The following ZMYM2 variants were observed in gnomAD, a reference collection of about 807,000 sequenced individuals.
The protein encoded by ZMYM2 is zinc finger MYM-type containing 2.
In ZMYM2, 56 loss-of-function variants were observed where a neutral mutation model predicts 162.8. The ratio of observed to expected loss-of-function variants is 0.34; its 90% confidence interval spans 0.28 to 0.43. The LOEUF (loss-of-function observed/expected upper bound fraction) is 0.43. Ranked by LOEUF, ZMYM2 falls within the 20% of genes least tolerant of loss-of-function variation. The pLI is 1.00. For missense variants in ZMYM2, 1,275 were observed against 1,621.8 expected (o/e 0.79, Z 3.67); for synonymous variants, 510 against 541.6 (o/e 0.94, Z 0.81).
At chr13:20,042,397 A>G (rs1267082627) in intron 12 of ZMYM2, among the ~76,000 whole-genome samples, 5 of 152,076 alleles carry the variant, frequency 3.3e-5, no homozygotes, top group East Asian at 1.9e-4. Context: ...TGTGTTTTTC[A>G]GCTCTATCAG....
the ZMYM2 span, among the ~76,000 whole-genome samples, chr13:19,918,630 C>T: frequency 6.7e-6 from 1 of 150,208 alleles, no homozygotes; most frequent in Non-Finnish European, 1.5e-5. Context: ...TCCTGAGTAG[C>T]TGGGATTACA....
chr13:19,954,714 T>G (rs1307730120), upstream of ZMYM2, among the ~76,000 whole-genome samples: 1 of 152,246 alleles, frequency 6.6e-6, no homozygotes, highest in Non-Finnish European at 1.5e-5. Context: ...CCAGGAGTAC[T>G]ATGTTTATAT....
the ZMYM2 span, among the ~76,000 whole-genome samples, chr13:19,926,429 T>C: frequency 6.8e-6 from 1 of 147,230 alleles, no homozygotes; most frequent in Non-Finnish European, 1.5e-5. Context: ...AGTGGTGCCA[T>C]CTCGGCTCAC....
chr13:19,992,778 G>A (rs540256875), intron 2 of ZMYM2, among the ~76,000 whole-genome samples: 18 of 151,788 alleles, frequency 1.2e-4, no homozygotes, highest in African/African-American at 4.1e-4. Context: ...AGGTGGTGGT[G>A]GTGGTAGGAA....
chr13:19,938,462 C>T, the ZMYM2 span, among the ~76,000 whole-genome samples: 22 of 152,330 alleles, frequency 1.4e-4, no homozygotes, highest in African/African-American at 5.1e-4. Context: ...TGCACCACTG[C>T]ACTCCAGCCT....
intron 2 of ZMYM2, among the ~76,000 whole-genome samples, chr13:19,982,095 T>A (rs544800399): frequency 2.0e-4 from 31 of 152,256 alleles, no homozygotes; most frequent in African/African-American, 7.0e-4. Flanking sequence ...ATGTATCAGT[T>A]TATTTTATAC....
At chr13:19,948,744 G>A in the ZMYM2 span, among the ~76,000 whole-genome samples, 1 of 152,214 alleles carries the variant, frequency 6.6e-6, no homozygotes, top group Non-Finnish European at 1.5e-5. Flanking sequence ...CCACTCTGGT[G>A]GGGGAGTTGC....
the ZMYM2 span, among the ~76,000 whole-genome samples, chr13:19,937,285 C>T: frequency 3.3e-5 from 5 of 152,004 alleles, no homozygotes; most frequent in South Asian, 8.3e-4. Flanking sequence ...AGCACGCCAG[C>T]GCCACCATGC....
At chr13:19,904,098 C>G in the ZMYM2 span, among the ~76,000 whole-genome samples, 1 of 152,044 alleles carries the variant, frequency 6.6e-6, no homozygotes, top group Admixed American at 6.6e-5. Flanking sequence ...CTGATCCATA[C>G]ATTGAGGCCT....
At chr13:19,869,613 T>C in the ZMYM2 span, among the ~76,000 whole-genome samples, 2 of 151,758 alleles carry the variant, frequency 1.3e-5, no homozygotes, top group African/African-American at 4.8e-5. Context: ...CATGGCAAAA[T>C]CCTGTCTCTA....
At chr13:19,878,197 C>T in the ZMYM2 span, among the ~76,000 whole-genome samples, 1 of 151,980 alleles carries the variant, frequency 6.6e-6, no homozygotes, top group East Asian at 1.9e-4. Flanking sequence ...GGACTACAGG[C>T]GTGCACCACC....
intron 2 of ZMYM2, among the ~76,000 whole-genome samples, chr13:19,988,137 T>C (rs1949325647): frequency 6.6e-6 from 1 of 152,312 alleles, no homozygotes; most frequent in East Asian, 1.9e-4. Context: ...AATTCTGTTT[T>C]CTTTTAACTC....
chr13:20,082,776 T>C lies in ZMYM2; in HGVS notation c.3569-5T>C. 3.8e-6 allele frequency: 6 copies of C among 1,580,572 alleles called. No individual in the cohort carries two copies. Among genetic ancestry groups the C allele is most frequent in the Non-Finnish European group, 5.2e-6 (6 of 1,162,056 alleles). The stretch of plus-strand genomic sequence containing the variant: ...ATTCTTTTAAAATAGTTCTCTCTAT[T>C]TAAGGGTCAATATTCTCTCGAGTTG... On this transcript the variant is annotated splice_polypyrimidine_tract_variant and splice_region_variant and intron_variant, in intron 22 of 24. Transcript: ENST00000610343.
Position 20,082,010 on chromosome 13 carries a change from TTA to T in ZMYM2, c.3454-3_3454-2del. 4.0e-6 allele frequency: 6 copies of T among 1,516,174 alleles called. No homozygotes were observed. The highest frequency in any genetic ancestry group is 2.4e-5 in the Admixed American group (1 of 40,862). The allele number at this position is 1,516,174 out of a possible 1,614,324, so 93.9% of individuals were successfully genotyped here. On this transcript the variant is annotated splice_region_variant and splice_polypyrimidine_tract_variant and intron_variant, in intron 21 of 24. Transcript: ENST00000610343. ...AAAGTTTGTGGGGCTTTTTTTTTTT[TTA>T]TAGTATTTGTGTGGAAGTAATCGAA...
At chr13:19,903,092 G>T in the ZMYM2 span, among the ~76,000 whole-genome samples, 1 of 151,954 alleles carries the variant, frequency 6.6e-6, no homozygotes, top group African/African-American at 2.4e-5. Flanking sequence ...GGAGGTGGAG[G>T]TTGCAGTGAG....
In ZMYM2 at chr13:20,019,611, A is replaced by T. The variant is rs1267290585; in HGVS notation, c.1577A>T (p.Gln526Leu). The change falls in exon 7 of 25, where the codon CAG becomes CTG. Residue 526 changes from glutamine to leucine, a missense_variant. Gln to Leu is a moderately radical substitution (Grantham distance 113). Transcript: ENST00000610343. ...CACATGCAGGACTCTTTCTTAATGC[A>T]GCCTGAGGTAAGCAGGAATGTAAAT... is the stretch of plus-strand genomic sequence containing the variant. Reference protein sequence around the residue: ...RDHMQDSFLMQPEKYGKLTTC... With the variant: ...RDHMQDSFLMLPEKYGKLTTC... 13 of 1,593,652 alleles carry T rather than the reference A, an allele frequency of 8.2e-6. No homozygotes were observed. The highest frequency in any genetic ancestry group is 1.6e-4 in the Middle Eastern group (1 of 6,062).
At chr13:19,887,985 G>A in the ZMYM2 span, among the ~76,000 whole-genome samples, 8 of 151,228 alleles carry the variant, frequency 5.3e-5, no homozygotes, top group South Asian at 2.1e-4. Context: ...GGGTTCAAGC[G>A]ATTCTCCTGC....
chr13:20,078,609 G>A (rs1210166258), intron 21 of ZMYM2, among the ~76,000 whole-genome samples: 1 of 152,096 alleles, frequency 6.6e-6, no homozygotes, highest in African/African-American at 2.4e-5. Flanking sequence ...TTCTGTTTAA[G>A]TAGATATCTG....
chr13:20,081,823 A>G (rs1957930667), intron 21 of ZMYM2, among the ~76,000 whole-genome samples, 193 bp from the exon 22 acceptor site: 1 of 152,120 alleles, frequency 6.6e-6, no homozygotes, highest in South Asian at 2.1e-4. Context: ...GAGTGTTTCA[A>G]GCAACAGATT....
Sources: allele counts gnomAD v4.1 joint callset (sites outside exome capture counted in the v4.1 genomes callset), GRCh38; gene constraint gnomAD v4.1.1; transcripts MANE v1.5; gene names NCBI Gene and HGNC (gene_info 2026-07-23, HGNC 2026-07-21).